NSMCE2: variants seen among roughly 807,000 people sequenced by gnomAD.
NSMCE2 encodes the protein E3 SUMO-protein ligase NSE2.
NSMCE2 carries 24 observed loss-of-function variants against 23.8 expected under a neutral mutation model. That is an observed-to-expected ratio of 1.01 (90% CI 0.73 to 1.42). The LOEUF (loss-of-function observed/expected upper bound fraction) is 1.42, where lower values mean the gene tolerates loss of function less well. Ranked by LOEUF, NSMCE2 falls within the 40% of genes most tolerant of loss-of-function variation. The pLI, the probability that NSMCE2 is intolerant of heterozygous loss-of-function variation, is 0.00. For missense variants in NSMCE2, 284 were observed against 296.5 expected (o/e 0.96, Z 0.31); for synonymous variants, 92 against 94.1 (o/e 0.98, Z 0.13).
rs191111919 is a variant in NSMCE2, at chr8:125,126,780, A to C, written c.157+24293A>C. Among the ~76,000 whole-genome samples, 853 of 152,290 alleles carry C rather than the reference A, an allele frequency of 5.6e-3. 25 individuals carry two copies. Among genetic ancestry groups the C allele is most frequent in the Admixed American group, 0.032 (485 of 15,296 alleles). On this transcript the variant is annotated intron_variant, in intron 3 of 7. Transcript: ENST00000287437. ...TTGCAAAATGAGGATAATATTGTAA[A>C]ATAGCAGTTAACATCTAATAAGTAT...
At chr8:125,186,773 A>T (rs1823128905) in intron 5 of NSMCE2, among the ~76,000 whole-genome samples, 1 of 152,208 alleles carries the variant, frequency 6.6e-6, no homozygotes, top group East Asian at 1.9e-4. Flanking sequence ...AAAAGATAAC[A>T]GTGGGAAAGG....
At chr8:125,145,666 G>A (rs2130647744) in intron 3 of NSMCE2, among the ~76,000 whole-genome samples, 1 of 152,298 alleles carries the variant, frequency 6.6e-6, no homozygotes, top group South Asian at 2.1e-4. Context: ...TGGGGGTCGG[G>A]GGAGTCAAAT....
chr8:125,303,233 G>A (rs931052308), intron 5 of NSMCE2, among the ~76,000 whole-genome samples: 11 of 152,132 alleles, frequency 7.2e-5, no homozygotes, highest in Non-Finnish European at 1.5e-4. Flanking sequence ...GAGCCTGTGG[G>A]AACTGTCAGA....
chr8:125,175,337 C>G (rs1190612906), intron 4 of NSMCE2, among the ~76,000 whole-genome samples: 1 of 152,118 alleles, frequency 6.6e-6, no homozygotes, highest in East Asian at 1.9e-4. Context: ...CTCTGGATTT[C>G]TAGCATGAAA....
intron 4 of NSMCE2, among the ~76,000 whole-genome samples, chr8:125,152,664 G>A (rs2130687300): frequency 6.6e-6 from 1 of 152,262 alleles, no homozygotes; most frequent in African/African-American, 2.4e-5. Context: ...GTATATTACA[G>A]ATAAGAAAAC....
intron 1 of NSMCE2, among the ~76,000 whole-genome samples, chr8:125,101,136 T>C (rs2130350718): frequency 6.6e-6 from 1 of 152,350 alleles, no homozygotes; most frequent in East Asian, 1.9e-4. Flanking sequence ...TCTATGCCCT[T>C]CTCTTTTTAT....
At chr8:125,238,281 C>G (rs550270808) in intron 5 of NSMCE2, among the ~76,000 whole-genome samples, 1 of 152,158 alleles carries the variant, frequency 6.6e-6, no homozygotes, top group Non-Finnish European at 1.5e-5. Flanking sequence ...CCATCTGTCT[C>G]TCTTTCCTCA....
intron 5 of NSMCE2, among the ~76,000 whole-genome samples, chr8:125,208,456 A>G (rs1241932246): frequency 6.6e-6 from 1 of 152,246 alleles, no homozygotes; most frequent in Non-Finnish European, 1.5e-5. Flanking sequence ...GGTAAAATTT[A>G]TACCCAACAA....
chr8:125,130,290 G>C (rs189909686), intron 3 of NSMCE2: 1 of 455,844 alleles, frequency 2.2e-6, no homozygotes, highest in Non-Finnish European at 4.4e-6. Context: ...TCATCAACAT[G>C]ACCAGTAATG....
chr8:125,299,936 A>C (rs542234304), intron 5 of NSMCE2, among the ~76,000 whole-genome samples: 19 of 145,010 alleles, frequency 1.3e-4, no homozygotes, highest in African/African-American at 4.6e-4. Context: ...CTCTTGCCTC[A>C]GCCTCCCAAG....
chr8:125,309,850 C>T (rs1828911761), intron 5 of NSMCE2, among the ~76,000 whole-genome samples: 2 of 152,138 alleles, frequency 1.3e-5, no homozygotes, highest in Admixed American at 6.5e-5. Context: ...TGAGCAAGGC[C>T]TACACTGAGC....
intron 5 of NSMCE2, among the ~76,000 whole-genome samples, chr8:125,204,795 C>T (rs183594442): frequency 1.3e-5 from 2 of 152,310 alleles, no homozygotes; most frequent in Non-Finnish European, 2.9e-5. Flanking sequence ...CTCTCCATTA[C>T]TTTCTGCCCC....
intron 5 of NSMCE2, among the ~76,000 whole-genome samples, chr8:125,219,083 A>AC (rs1824729943): frequency 6.6e-6 from 1 of 152,294 alleles, no homozygotes. Context: ...AAATCCCTGA[A>AC]CACCAGTCCA....
rs1003643496 is a variant in NSMCE2, at chr8:125,255,432, C to T, written c.418+73176C>T. On this transcript the variant is annotated intron_variant, in intron 5 of 7. Transcript: ENST00000287437. ...CACTGAGTCGAGACACCTAATCCTT[C>T]CTTCATCATCAAGGAAGACTCCCTC... Among the ~76,000 whole-genome samples, 11 of 152,128 alleles carry T rather than the reference C, an allele frequency of 7.2e-5. No individual in the cohort carries two copies. In the South Asian group the frequency reaches 2.3e-3, roughly 31 times the overall value.
intron 7 of NSMCE2, among the ~76,000 whole-genome samples, 164 bp downstream of exon 7, chr8:125,357,982 A>G (rs557346930): frequency 3.2e-4 from 48 of 152,306 alleles, no homozygotes; most frequent in Non-Finnish European, 3.5e-4. Context: ...ACAATACATG[A>G]GGGAAAAATT....
chr8:125,257,943 G>GGGT (rs1826516142), intron 5 of NSMCE2, among the ~76,000 whole-genome samples: 1 of 152,182 alleles, frequency 6.6e-6, no homozygotes, highest in Non-Finnish European at 1.5e-5. Flanking sequence ...GAGCATGAGA[G>GGGT]GGTGGTGGTG....
At chr8:125,299,442 G>C (rs1828462596) in intron 5 of NSMCE2, among the ~76,000 whole-genome samples, 1 of 152,126 alleles carries the variant, frequency 6.6e-6, no homozygotes, top group African/African-American at 2.4e-5. Context: ...ATGGCAACAG[G>C]AGAGAGAGCG....
chr8:125,092,421 G>A (rs1398268865), intron 1 of NSMCE2, among the ~76,000 whole-genome samples: 1 of 152,166 alleles, frequency 6.6e-6, no homozygotes, highest in East Asian at 1.9e-4. Flanking sequence ...TTTTGTGTGA[G>A]GAATTGCTTT....
At chr8:125,354,818 C>T (rs982513360) in intron 5 of NSMCE2, among the ~76,000 whole-genome samples, 8 of 152,154 alleles carry the variant, frequency 5.3e-5, no homozygotes, top group Non-Finnish European at 8.8e-5. Context: ...CAGCCCTTTC[C>T]CTGCCCCTCA....
Sources: gnomAD v4.1 joint callset for allele counts (sites outside exome capture counted in the v4.1 genomes callset) on GRCh38, gnomAD v4.1.1 for gene constraint, MANE v1.5 for transcripts, NCBI Gene and HGNC (gene_info 2026-07-23, HGNC 2026-07-21) for gene names.